TRIM2: variants seen among roughly 807,000 people sequenced by gnomAD.
The protein encoded by TRIM2 is tripartite motif-containing protein 2.
A neutral mutation model predicts 75.2 loss-of-function variants in TRIM2; 20 were observed. The ratio of observed to expected loss-of-function variants is 0.27; its 90% confidence interval spans 0.19 to 0.39. The LOEUF (loss-of-function observed/expected upper bound fraction) is 0.39. TRIM2 is among the 10% of genes least tolerant of loss of function. The probability of loss-of-function intolerance (pLI) is 1.00; values close to 1 mark genes in which losing one functional copy is unlikely to be tolerated. For synonymous variants in TRIM2, 373 were observed against 388.3 expected (o/e 0.96, Z 0.46); for missense variants, 660 against 990.8 (o/e 0.67, Z 4.48).
intron 1 of TRIM2, among the ~76,000 whole-genome samples, chr4:153,175,624 A>ACATATG (rs1363678195): frequency 3.9e-5 from 6 of 152,186 alleles, no homozygotes; most frequent in Admixed American, 3.3e-4. Context: ...GCAATAGGCT[A>ACATATG]CATATGCAAC....
At chr4:153,230,530 C>T (rs868255654) in intron 1 of TRIM2, among the ~76,000 whole-genome samples, 6 of 152,176 alleles carry the variant, frequency 3.9e-5, no homozygotes, top group Admixed American at 1.3e-4. Context: ...AAACAAAAAA[C>T]ACACCAAACA....
chr4:153,237,612 G>A (rs892730507), intron 1 of TRIM2, among the ~76,000 whole-genome samples: 3 of 152,068 alleles, frequency 2.0e-5, no homozygotes, highest in East Asian at 1.9e-4. Flanking sequence ...CTCAGGAGGC[G>A]GAAGTTGCAG....
chr4:153,267,704 A>T (rs1755612618), intron 1 of TRIM2, among the ~76,000 whole-genome samples: 3 of 152,212 alleles, frequency 2.0e-5, no homozygotes, highest in African/African-American at 4.8e-5. Context: ...CCTCCTGCCT[A>T]GGGTCATATT....
At chr4:153,314,814 C>A (rs116577011) in intron 6 of TRIM2, among the ~76,000 whole-genome samples, 1 of 152,112 alleles carries the variant, frequency 6.6e-6, no homozygotes, top group South Asian at 2.1e-4. Flanking sequence ...CTGTGGCCTT[C>A]GGTTTGTCAA....
At chr4:153,176,138 T>A (rs1470807730) in intron 1 of TRIM2, among the ~76,000 whole-genome samples, 1 of 151,878 alleles carries the variant, frequency 6.6e-6, no homozygotes, top group Non-Finnish European at 1.5e-5. Context: ...TATATGTATG[T>A]GTGAAGAGAA....
chr4:153,235,529 AC>A (rs2149816598), intron 1 of TRIM2, among the ~76,000 whole-genome samples: 1 of 151,962 alleles, frequency 6.6e-6, no homozygotes. Context: ...TAAGTGATCC[AC>A]CTGCCTCAGC....
At chr4:153,271,602 T>A (rs4696184) in intron 2 of TRIM2, among the ~76,000 whole-genome samples, 33,211 of 152,080 alleles carry the variant, frequency 0.22, 4,129 homozygotes, top group African/African-American at 0.34. Flanking sequence ...CTTGTGTATA[T>A]GGGTTTTGGT....
At chr4:153,277,289 A>G (rs1758243708) in intron 3 of TRIM2, among the ~76,000 whole-genome samples, 1 of 151,998 alleles carries the variant, frequency 6.6e-6, no homozygotes, top group Admixed American at 6.5e-5. Context: ...CTCACTGCAA[A>G]TTTCTCCTGC....
chr4:153,164,978 GT>G (rs1417452923), intron 1 of TRIM2, among the ~76,000 whole-genome samples: 1 of 151,654 alleles, frequency 6.6e-6, no homozygotes, highest in Non-Finnish European at 1.5e-5. Flanking sequence ...TTTTCTATGG[GT>G]TTATTGTTAG....
chr4:153,247,463 G>T (rs983977110), intron 1 of TRIM2, among the ~76,000 whole-genome samples: 4 of 152,126 alleles, frequency 2.6e-5, no homozygotes, highest in Admixed American at 2.6e-4. Context: ...ATCATTTAAG[G>T]TCAGGAGTTT....
rs149098659 is a variant in TRIM2, at chr4:153,295,751, C to G, written c.1225C>G (p.Leu409Val). The G allele has an allele frequency of 6.2e-7, 1 of 1,614,016 alleles. No individual in the cohort carries two copies. The highest frequency in any genetic ancestry group is 8.5e-7 in the Non-Finnish European group (1 of 1,179,970). Residue 409 changes from leucine to valine, a missense_variant, in exon 6 of 12, where the codon CTG (leucine) becomes GTG (valine). Physicochemically the swap from Leu to Val is conservative, Grantham distance 32. This residue lies in a region of TRIM2 where 620 missense variants were observed against 891.0 expected (regional missense o/e 0.70). Transcript: ENST00000338700. This position sits in a 1 kb window ranked among gnomAD's most constrained non-coding sequence, Gnocchi z 7.2. ...PDGSVADGEI[L>V]DNKNGTYEFL... Reference sequence around the variant, plus strand: ...CGGGAGCGTGGCAGACGGGGAGATCCTGGACAACAAGAACGGCACCTATGA... The same window carrying G: ...CGGGAGCGTGGCAGACGGGGAGATCGTGGACAACAAGAACGGCACCTATGA...
At chr4:153,181,244 T>G (rs1420369762) in intron 1 of TRIM2, among the ~76,000 whole-genome samples, 1 of 152,224 alleles carries the variant, frequency 6.6e-6, no homozygotes, top group Non-Finnish European at 1.5e-5. Context: ...TGTCCAGGTC[T>G]CACAGAACAG....
At chr4:153,201,669 T>C (rs1025704527), upstream of TRIM2, among the ~76,000 whole-genome samples, 14 of 152,050 alleles carry the variant, frequency 9.2e-5, no homozygotes, top group African/African-American at 3.4e-4. Flanking sequence ...CACTCCAGCC[T>C]GGGTGACAGA....
chr4:153,206,371 G>A (rs1579539030), intron 1 of TRIM2, among the ~76,000 whole-genome samples: 1 of 152,206 alleles, frequency 6.6e-6, no homozygotes, highest in African/African-American at 2.4e-5. Context: ...ACTTCTTGGG[G>A]TCACTGTTTT....
chr4:153,154,698 T>C lies in TRIM2; in HGVS notation c.-49+1428T>C, dbSNP rs563081348. 2.6e-5 allele frequency among the ~76,000 whole-genome samples: 4 copies of C among 152,304 alleles called. No homozygotes were observed. In the East Asian group the frequency reaches 7.7e-4, roughly 29 times the overall value. Reference sequence around the variant, plus strand: ...TAATCAGTATAGCTTAGAATTTGCCTAAAAATACACTAACCAATTGCTTGT... The same window carrying C: ...TAATCAGTATAGCTTAGAATTTGCCCAAAAATACACTAACCAATTGCTTGT... On this transcript the variant is annotated intron_variant, in intron 1 of 11. Coordinates refer to the TRIM2 transcript ENST00000437508.
intron 1 of TRIM2, among the ~76,000 whole-genome samples, chr4:153,215,987 G>A (rs939059891): frequency 6.6e-4 from 101 of 152,094 alleles, no homozygotes; most frequent in Middle Eastern, 3.4e-3. Flanking sequence ...ATGCAAATGA[G>A]GTTTTTAGCT....
At chr4:153,254,497 C>T (rs1751586604) in intron 1 of TRIM2, among the ~76,000 whole-genome samples, 1 of 152,198 alleles carries the variant, frequency 6.6e-6, no homozygotes, top group African/African-American at 2.4e-5. Context: ...CTCTTCTCTG[C>T]CCTTGAGACC....
chr4:153,265,916 G>A (rs1754912799), intron 1 of TRIM2, among the ~76,000 whole-genome samples: 1 of 152,146 alleles, frequency 6.6e-6, no homozygotes, highest in African/African-American at 2.4e-5. Context: ...CGTTGGTTTT[G>A]ATTAAGACAG....
At chr4:153,211,813 A>T (rs1737102374) in intron 1 of TRIM2, among the ~76,000 whole-genome samples, 1 of 151,940 alleles carries the variant, frequency 6.6e-6, no homozygotes, top group Non-Finnish European at 1.5e-5. Context: ...TGACAATTTG[A>T]ATCTCTGCTT....
Sources: gnomAD v4.1 joint callset for allele counts (sites outside exome capture counted in the v4.1 genomes callset) on GRCh38, gnomAD v4.1.1 for gene constraint, gnomAD v4.1.1 regional missense constraint, Gnocchi (gnomAD v3.1) non-coding constraint, MANE v1.5 for transcripts, NCBI Gene and HGNC (gene_info 2026-07-23, HGNC 2026-07-21) for gene names.